Variants in MYH9 observed in about 807,000 individuals in gnomAD.
MYH9 encodes myosin heavy chain 9.
In MYH9, 29 loss-of-function variants were observed where a neutral mutation model predicts 241.9. The ratio of observed to expected loss-of-function variants is 0.12; its 90% confidence interval spans 0.09 to 0.16. MYH9 has a LOEUF of 0.16. Ranked by LOEUF, MYH9 falls within the 10% of genes least tolerant of loss-of-function variation. The pLI, the probability that MYH9 is intolerant of heterozygous loss-of-function variation, is 1.00. For synonymous variants in MYH9, 1,047 were observed against 1,062.6 expected, an observed-to-expected ratio of 0.99 and a Z score of 0.29; for missense variants, 1,803 against 2,595.5, an observed-to-expected ratio of 0.69 and a Z score of 6.63.
chr22:36,355,912 T>G (rs2017848569), intron 1 of MYH9, among the ~76,000 whole-genome samples: 1 of 152,212 alleles, frequency 6.6e-6, no homozygotes, highest in Admixed American at 6.5e-5. Flanking sequence ...CTCCCCATGC[T>G]GGCTTGCACA....
intron 1 of MYH9, among the ~76,000 whole-genome samples, chr22:36,369,217 T>C (rs989602731): frequency 6.6e-6 from 1 of 152,184 alleles, no homozygotes; most frequent in Non-Finnish European, 1.5e-5. Flanking sequence ...CTGTCTAACA[T>C]AGGTTTAAAG....
At chr22:36,319,243 T>C (rs2017209513) in intron 10 of MYH9, among the ~76,000 whole-genome samples, 2 of 152,096 alleles carry the variant, frequency 1.3e-5, no homozygotes, top group African/African-American at 2.4e-5. Flanking sequence ...AAGGCTCCCA[T>C]TAAGGAGGAG....
At chr22:36,343,591 C>T (rs1471585669) in intron 2 of MYH9, among the ~76,000 whole-genome samples, 1 of 149,862 alleles carries the variant, frequency 6.7e-6, no homozygotes, top group Non-Finnish European at 1.5e-5. Context: ...TAGAAATGGA[C>T]AAGCGTGTTT....
At chr22:36,309,237 A>G (rs1481828222) in intron 15 of MYH9, 45 bp downstream of exon 15, 1 of 1,527,904 alleles carries the variant, frequency 6.5e-7, no homozygotes, top group Admixed American at 1.7e-5. Flanking sequence ...GAAGATGACC[A>G]GCCGCAGCCA....
intron 14 of MYH9, among the ~76,000 whole-genome samples, chr22:36,310,445 T>G (rs894656902): frequency 6.6e-6 from 1 of 152,168 alleles, no homozygotes. Flanking sequence ...CAGCATGACA[T>G]CTTCATTGCA....
Position 36,292,174 on chromosome 22 carries a change from C to T in MYH9, c.4156G>A (p.Val1386Met), listed in dbSNP as rs2016716622. The T allele has an allele frequency of 6.2e-7, 1 of 1,614,192 alleles. No homozygotes were observed. Among genetic ancestry groups the T allele is most frequent in the Non-Finnish European group, 8.5e-7 (1 of 1,180,050 alleles). The change falls in exon 31 of 41, where the codon GTG becomes ATG. Residue 1386 changes from valine (V) to methionine (M), a missense_variant. By Grantham distance (21) the Val-to-Met change is conservative (BLOSUM62 1). Coordinates refer to ENST00000216181, the MANE Select transcript of MYH9 (RefSeq NM_002473.6). Reference protein sequence around the residue: ...SVGCLETAEEVKRKLQKDLEG... With the variant: ...SVGCLETAEEMKRKLQKDLEG... ...AGGTCCTTCTGGAGCTTCCTCTTCA[C>T]CTCCTCAGCAGTTTCCAGGCACCCC...
chr22:36,332,662 A>T (rs1006078672), intron 3 of MYH9, among the ~76,000 whole-genome samples: 7 of 13,996 alleles, frequency 5.0e-4, no homozygotes, highest in Non-Finnish European at 3.1e-3. Context: ...CTGGATAATT[A>T]AAAAAAAAAA....
At chr22:36,380,039 T>C (rs1362571117) in intron 1 of MYH9, among the ~76,000 whole-genome samples, 1 of 152,210 alleles carries the variant, frequency 6.6e-6, no homozygotes, top group South Asian at 2.1e-4. Flanking sequence ...TGGGTACAGA[T>C]ACAGGCCGCC....
intron 21 of MYH9, among the ~76,000 whole-genome samples, chr22:36,301,300 A>G (rs1171004518): frequency 1.3e-5 from 2 of 152,172 alleles, no homozygotes; most frequent in East Asian, 1.9e-4. Flanking sequence ...GGTAGAGCTG[A>G]GGTTTGAACC....
intron 3 of MYH9, among the ~76,000 whole-genome samples, chr22:36,335,760 G>A (rs1049002211): frequency 4.6e-5 from 7 of 152,214 alleles, no homozygotes; most frequent in Non-Finnish European, 1.0e-4. Flanking sequence ...TGCCCCACGG[G>A]CCTGTGCCAG....
At chr22:36,368,122 A>C (rs1036274793) in intron 1 of MYH9, among the ~76,000 whole-genome samples, 1 of 152,212 alleles carries the variant, frequency 6.6e-6, no homozygotes, top group Admixed American at 6.5e-5. Flanking sequence ...AAATCCGGCA[A>C]ATTATTTAAA....
At chr22:36,365,875 A>G (rs1038272544) in intron 1 of MYH9, among the ~76,000 whole-genome samples, 8 of 152,152 alleles carry the variant, frequency 5.3e-5, no homozygotes, top group Admixed American at 2.6e-4. Flanking sequence ...ATTCAAGTCT[A>G]TTTTATTTCA....
At chr22:36,352,803 C>T (rs1234896322) in intron 1 of MYH9, among the ~76,000 whole-genome samples, 1 of 152,346 alleles carries the variant, frequency 6.6e-6, no homozygotes, top group East Asian at 1.9e-4. Context: ...AGAGCCCCAG[C>T]TTGCTGGGCA....
At chr22:36,371,632 T>C (rs564902963) in intron 1 of MYH9, among the ~76,000 whole-genome samples, 17 of 152,324 alleles carry the variant, frequency 1.1e-4, no homozygotes, top group Non-Finnish European at 2.2e-4. Flanking sequence ...GCCTCCCAGG[T>C]TCATGCGATT....
Position 36,329,165 on chromosome 22 carries a change from C to T in MYH9, c.491-1677G>A, listed in dbSNP as rs570964284. On this transcript the variant is annotated intron_variant, in intron 3 of 40. Coordinates refer to ENST00000216181, the MANE Select transcript of MYH9 (RefSeq NM_002473.6). The surrounding 1 kb of genome is among the most constrained non-coding windows in gnomAD (Gnocchi z 4.1). ...TCAACGGGGTGGGGGCGCAGAGGGGCTGGGTCACTCTCATTCACAAACACA... is the reference window on the plus strand; with the variant it reads ...TCAACGGGGTGGGGGCGCAGAGGGGTTGGGTCACTCTCATTCACAAACACA... 1.3e-5 allele frequency among the ~76,000 whole-genome samples: 2 copies of T among 152,170 alleles called. No homozygotes were observed. The highest frequency in any genetic ancestry group is 2.9e-5 in the Non-Finnish European group (2 of 68,014).
chr22:36,362,938 C>T (rs2017957657), intron 1 of MYH9, among the ~76,000 whole-genome samples: 1 of 152,144 alleles, frequency 6.6e-6, no homozygotes, highest in Admixed American at 6.5e-5. Context: ...ATGCCTTCCA[C>T]CAGTGCCTCT....
At chr22:36,387,154 G>A (rs1323373708) in intron 1 of MYH9, among the ~76,000 whole-genome samples, 1 of 152,056 alleles carries the variant, frequency 6.6e-6, no homozygotes, top group Non-Finnish European at 1.5e-5. Context: ...TGTCCGGGCA[G>A]CCGCCGCACC....
chr22:36,289,335 G>T, intron 31 of MYH9, 38 bp from the exon 32 acceptor site: 1 of 1,569,942 alleles, frequency 6.4e-7, no homozygotes, highest in South Asian at 1.1e-5. Flanking sequence ...TCAGAGCTAC[G>T]GCCCCCAGCA....
chr22:36,318,352 G>A (rs1160929492), intron 10 of MYH9, 27 bp from the exon 11 acceptor site: 6 of 1,554,916 alleles, frequency 3.9e-6, no homozygotes, highest in Middle Eastern at 3.4e-4. Flanking sequence ...AATAAGAGAG[G>A]GACAAAAAGT....
Sources: gnomAD v4.1 joint callset for allele counts (sites outside exome capture counted in the v4.1 genomes callset) on GRCh38, gnomAD v4.1.1 for gene constraint, Gnocchi (gnomAD v3.1) non-coding constraint, MANE v1.5 for transcripts, NCBI Gene and HGNC (gene_info 2026-07-23, HGNC 2026-07-21) for gene names.